The following CC2D1B variants were observed in gnomAD, a reference collection of about 807,000 sequenced individuals.
The protein encoded by CC2D1B is coiled-coil and C2 domain-containing protein 1B.
CC2D1B carries 92 observed loss-of-function variants against 110.8 expected under a neutral mutation model. The ratio of observed to expected loss-of-function variants is 0.83; its 90% CI spans 0.70 to 0.99. The LOEUF (loss-of-function observed/expected upper bound fraction) is 0.99, where lower values mean the gene tolerates loss of function less well. CC2D1B is among the 50% of genes least tolerant of loss of function. The pLI is 0.00. For missense variants in CC2D1B, 1,136 were observed against 1,089.0 expected (o/e 1.04, Z -0.61); for synonymous variants, 406 against 429.2 (o/e 0.95, Z 0.67).
chr1:52,365,778 A>AC (rs34455069), intron 1 of CC2D1B, among the ~76,000 whole-genome samples: 11,008 of 151,830 alleles, frequency 0.073, 471 homozygotes, highest in African/African-American at 0.13. Flanking sequence ...ACGGGCGTGG[A>AC]GGCGGCGGGG....
chr1:52,363,051 A>G (rs1646815592), intron 2 of CC2D1B, among the ~76,000 whole-genome samples: 1 of 152,238 alleles, frequency 6.6e-6, no homozygotes, highest in Admixed American at 6.5e-5. Flanking sequence ...TTAGCGTTCT[A>G]TGTGATTATC....
In CC2D1B at chr1:52,358,387, C is replaced by T. The variant is rs1376806191; in HGVS notation, c.1405G>A (p.Ala469Thr). 6 of 1,614,060 alleles carry T rather than the reference C, an allele frequency of 3.7e-6. No homozygotes were observed. The East Asian group carries it at 6.7e-5, about 18-fold the overall frequency. Reference sequence around the variant, plus strand: ...TCCTCTGCAGAGGCCAGTTTCTCTGCAGCTGCCAATGTCGCTGCCACTGCG... The same window carrying T: ...TCCTCTGCAGAGGCCAGTTTCTCTGTAGCTGCCAATGTCGCTGCCACTGCG... ...EDAVAATLAA[A>T]EKLASAEDSA... The change falls in exon 13 of 25, where the codon GCA becomes ACA. Residue 469 changes from alanine (A) to threonine (T), a missense_variant. Ala to Thr is a moderately conservative substitution (Grantham distance 58). Coordinates refer to ENST00000284376, the MANE Select transcript of CC2D1B (RefSeq NM_001330585.2).
At position 52,360,223 on chromosome 1, in the gene CC2D1B, G is replaced by A. The variant is rs371820401; in HGVS notation, c.614C>T (p.Ser205Leu). 3.5e-5 allele frequency: 57 copies of A among 1,613,920 alleles called. No homozygotes were observed. The South Asian group carries it at 5.6e-4, about 16-fold the overall frequency. Residue 205 changes from serine (S) to leucine (L), a missense_variant, in exon 7 of 25, where the codon TCG (serine) becomes TTG (leucine). Transcript: ENST00000284376. ...RCERGLKTLE[S>L]QLASVRRGRK... ...GCCTCTCCTCACAGAGGCTAGCTGCGACTCCAAGGTCTGAGGGAGAGAACT... is the reference window on the plus strand; with the variant it reads ...GCCTCTCCTCACAGAGGCTAGCTGCAACTCCAAGGTCTGAGGGAGAGAACT...
intron 23 of CC2D1B, 41 bp from the exon 24 acceptor site, chr1:52,353,688 A>AGAG: frequency 6.8e-7 from 1 of 1,464,134 alleles, no homozygotes. Flanking sequence ...CTAAGGGGAC[A>AGAG]GAGATGGGGA....
chr1:52,353,478 G>A (rs1346201923), intron 24 of CC2D1B, 40 bp downstream of exon 24: 3 of 1,574,896 alleles, frequency 1.9e-6, no homozygotes, highest in Admixed American at 2.0e-5. Context: ...TTGAGTAAAA[G>A]GAGGGGGCAA....
intron 3 of CC2D1B, among the ~76,000 whole-genome samples, chr1:52,362,155 G>C (rs1352447333): frequency 2.0e-5 from 3 of 152,146 alleles, no homozygotes; most frequent in Admixed American, 6.5e-5. Flanking sequence ...GGGGATGAGT[G>C]GGGGGATTCT....
At chr1:52,358,149 C>A in intron 13 of CC2D1B, 182 bp downstream of exon 13, 1 of 963,190 alleles carries the variant, frequency 1.0e-6, no homozygotes, top group Non-Finnish European at 1.5e-6. Flanking sequence ...TTCAGAAAGA[C>A]CTTGGTTTGA....
Position 52,357,593 on chromosome 1 carries a change from C to T in CC2D1B, c.1685G>A (p.Arg562Gln), listed in dbSNP as rs1477927299. Reference sequence around the variant, plus strand: ...CTGAGCCTCAAGCCATTTGGCTACCCGCAGATAGGCTTTGGCCTGCTCCAG... The same window carrying T: ...CTGAGCCTCAAGCCATTTGGCTACCTGCAGATAGGCTTTGGCCTGCTCCAG... ...QDLEQAKAYL[R>Q]VAKWLEAQII... Residue 562 changes from arginine (R) to glutamine (Q), a missense_variant, in exon 15 of 25, where the codon CGG becomes CAG. Transcript: ENST00000284376. 7 of 1,586,552 alleles carry T rather than the reference C, an allele frequency of 4.4e-6. No individual in the cohort carries two copies. Among genetic ancestry groups the T allele is most frequent in the South Asian group, 1.1e-5 (1 of 87,464 alleles).
chr1:52,356,131 T>A, intron 18 of CC2D1B, 55 bp downstream of exon 18: 1 of 1,463,588 alleles, frequency 6.8e-7, no homozygotes, highest in Non-Finnish European at 9.5e-7. Context: ...TGGCCTGGGC[T>A]CCCAGCCTCC....
intron 18 of CC2D1B, 90 bp from the exon 19 acceptor site, chr1:52,355,934 G>T: frequency 1.5e-6 from 2 of 1,342,792 alleles, no homozygotes; most frequent in Non-Finnish European, 2.1e-6. Flanking sequence ...TGCCCAGCTG[G>T]GTGGTGACGG....
At chr1:52,361,757 T>G in intron 3 of CC2D1B, 141 bp from the exon 4 acceptor site, 12 of 1,038,490 alleles carry the variant, frequency 1.2e-5, no homozygotes, top group Non-Finnish European at 1.7e-5. Flanking sequence ...TGCTCTTCCT[T>G]TAAGACCCAG....
chr1:52,359,582 A>G (rs1646733833), intron 8 of CC2D1B, 48 bp from the exon 9 acceptor site: 1 of 1,600,182 alleles, frequency 6.2e-7, no homozygotes, highest in Non-Finnish European at 8.5e-7. Context: ...GGGGACCCCA[A>G]GAGCCTGGGC....
At chr1:52,356,135 A>G (rs759813340) in intron 18 of CC2D1B, 51 bp downstream of exon 18, 1 of 1,492,670 alleles carries the variant, frequency 6.7e-7, no homozygotes, top group East Asian at 2.3e-5. Flanking sequence ...CTGGGCTCCC[A>G]GCCTCCTGCC....
In CC2D1B at chr1:52,362,583, G is replaced by C. The variant is rs1409172643; in HGVS notation, c.214+19C>G. On this transcript the variant is annotated intron_variant, in intron 3 of 24. Coordinates refer to ENST00000284376, the MANE Select transcript of CC2D1B (RefSeq NM_001330585.2). ...CCATCTTGTCCCAGCACCAAGACCA[G>C]CCCTGTGTCCAAACTCACCCTGCCC... 1 of 1,614,046 alleles carries C rather than the reference G, an allele frequency of 6.2e-7. No individual in the cohort carries two copies. The highest frequency in any genetic ancestry group is 1.7e-5 in the Admixed American group (1 of 60,024).
Position 52,351,712 on chromosome 1 carries a change from C to G in CC2D1B, c.*1513G>C, listed in dbSNP as rs1170221151. On this transcript the variant is annotated 3_prime_UTR_variant, in exon 25 of 25. Transcript: ENST00000284376. ...CAGCCTGACCAACATGGTGAAACAC[C>G]GTCTCTACTAAAAATAAAAAAATTA... 3.3e-5 allele frequency: 5 copies of G among 151,786 alleles called. No individual in the cohort carries two copies. Among genetic ancestry groups the G allele is most frequent in the Non-Finnish European group, 7.4e-5 (5 of 67,968 alleles). 9.4% of individuals were successfully genotyped at this position (151,786 alleles called of 1,614,324 possible). A position where few individuals can be genotyped will look rare whatever the true frequency, so the allele number is the denominator to read the frequency against.
At chr1:52,365,823 C>A (rs1431913959) in intron 1 of CC2D1B, among the ~76,000 whole-genome samples, 1 of 152,180 alleles carries the variant, frequency 6.6e-6, no homozygotes, top group Non-Finnish European at 1.5e-5. Flanking sequence ...CTCCGGGGGA[C>A]TCTGAGTGTC....
Position 52,357,103 on chromosome 1 carries a change from C to G in CC2D1B, c.1776G>C (p.Glu592Asp), listed in dbSNP as rs755107589. Residue 592 changes from glutamate to aspartate, a missense_variant, in exon 16 of 25, where the codon GAG (glutamate) becomes GAC (aspartate). Glu to Asp is a conservative substitution (Grantham distance 45, BLOSUM62 2). Coordinates refer to ENST00000284376, the MANE Select transcript of CC2D1B (RefSeq NM_001330585.2). ...GGTGGATGAGGATGAAGTCACCCTC[C>G]TCATCCGTCAAGGGCGAAGGCACCT... ...LSKVPSPLTD[E>D]EGDFILIHHE... The G allele has an allele frequency of 2.0e-5, 33 of 1,613,670 alleles. No individual in the cohort carries two copies. The highest frequency in any genetic ancestry group is 2.5e-5 in the Non-Finnish European group (30 of 1,179,888).
Position 52,357,871 on chromosome 1 carries a change from C to T in CC2D1B, c.1489G>A (p.Ala497Thr), listed in dbSNP as rs764525129. The change falls in exon 14 of 25, where the codon GCC (alanine) becomes ACC (threonine). Residue 497 changes from alanine (A) to threonine (T), a missense_variant. Physicochemically the swap from Ala to Thr is moderately conservative, Grantham distance 58. Transcript: ENST00000284376. ...ACTGTGGGCCGTGCAGGTTTCTTGG[C>T]CACTGGGGCCTGTGCTGGGGGCTCA... Reference protein sequence around the residue: ...EGEPPAQAPVAKKPARPTVPS... With the variant: ...EGEPPAQAPVTKKPARPTVPS... The T allele has an allele frequency of 1.3e-5, 21 of 1,579,396 alleles. No individual in the cohort carries two copies. The highest frequency in any genetic ancestry group is 1.8e-5 in the Non-Finnish European group (21 of 1,165,616).
At chr1:52,359,000 G>A (rs1428675693) in intron 11 of CC2D1B, 27 bp downstream of exon 11, 2 of 1,600,908 alleles carry the variant, frequency 1.2e-6, no homozygotes, top group East Asian at 2.2e-5. Context: ...GCCAGCACAG[G>A]CAGGGGCTGC....
Sources: gnomAD v4.1 joint callset for allele counts (sites outside exome capture counted in the v4.1 genomes callset) on GRCh38, gnomAD v4.1.1 for gene constraint, MANE v1.5 for transcripts, NCBI Gene and HGNC (gene_info 2026-07-23, HGNC 2026-07-21) for gene names.